The following KIF26B variants were observed in gnomAD, a reference collection of about 807,000 sequenced individuals.
The protein encoded by KIF26B is kinesin-like protein KIF26B.
Under a neutral mutation model 151.2 loss-of-function variants are expected in KIF26B, and 63 were observed. The ratio of observed to expected loss-of-function variants is 0.42; its 90% CI spans 0.34 to 0.51. KIF26B has a LOEUF of 0.51. KIF26B is among the 20% of genes least tolerant of loss of function. The probability of loss-of-function intolerance (pLI) is 0.07; values close to 1 mark genes in which losing one functional copy is unlikely to be tolerated. For synonymous variants in KIF26B, 1,357 were observed against 1,262.1 expected, an observed-to-expected ratio of 1.08 and a Z score of -1.59; for missense variants, 2,813 against 2,913.6, an observed-to-expected ratio of 0.97 and a Z score of 0.79.
At chr1:245,690,324 C>T (rs867142857) in intron 12 of KIF26B, among the ~76,000 whole-genome samples, 1 of 152,204 alleles carries the variant, frequency 6.6e-6, no homozygotes, top group South Asian at 2.1e-4. Context: ...TCTTCACATG[C>T]TCTCAGAAGC....
At chr1:245,195,671 G>GGGAA (rs1174212258) in intron 2 of KIF26B, among the ~76,000 whole-genome samples, 7 of 152,200 alleles carry the variant, frequency 4.6e-5, no homozygotes, top group African/African-American at 1.7e-4. Flanking sequence ...CGAGTGCCCT[G>GGGAA]GGAAGGCCCA....
intron 4 of KIF26B, among the ~76,000 whole-genome samples, chr1:245,448,013 C>T (rs1050687456): frequency 7.9e-5 from 12 of 152,336 alleles, no homozygotes; most frequent in Admixed American, 4.6e-4. Context: ...CTGGGTGAAG[C>T]CAAGAACTCT....
intron 9 of KIF26B, among the ~76,000 whole-genome samples, chr1:245,635,372 T>A (rs561588383): frequency 6.6e-6 from 1 of 152,110 alleles, no homozygotes; most frequent in South Asian, 2.1e-4. Flanking sequence ...GAATTTTTCA[T>A]CTTTCAAGAC....
At chr1:245,306,246 T>C (rs1277092468) in intron 2 of KIF26B, among the ~76,000 whole-genome samples, 2 of 152,194 alleles carry the variant, frequency 1.3e-5, no homozygotes, top group East Asian at 3.8e-4. Flanking sequence ...GGTTCATTCA[T>C]TGAAATATTA....
chr1:245,157,077 G>A (rs1354354952), intron 2 of KIF26B, among the ~76,000 whole-genome samples: 1 of 150,334 alleles, frequency 6.7e-6, no homozygotes, highest in African/African-American at 2.5e-5. Context: ...AGCTGTAAAA[G>A]CAAGCTGATG....
At chr1:245,575,049 T>C (rs2043104626) in intron 5 of KIF26B, among the ~76,000 whole-genome samples, 1 of 151,188 alleles carries the variant, frequency 6.6e-6, no homozygotes, top group South Asian at 2.1e-4. Context: ...GTATTTTTAG[T>C]AGAGACGGGG....
rs749730146 is a variant in KIF26B at position 245,540,915 on chromosome 1, G to A, written c.1315G>A (p.Val439Ile). ...AGCCCCACCCTGCCTGCTGAGGGCT[G>A]TCAACAAGGTGAAGGACACCCCGGG... Reference protein sequence around the residue: ...PPAPPCLLRAVNKVKDTPGLG... With the variant: ...PPAPPCLLRAINKVKDTPGLG... The change falls in exon 5 of 15, where the codon GTC becomes ATC. Residue 439 changes from valine (V) to isoleucine (I), a missense_variant. Coordinates refer to ENST00000407071, the MANE Select transcript of KIF26B (RefSeq NM_018012.4). The surrounding 1 kb of genome is among the most constrained non-coding windows in gnomAD (Gnocchi z 4.6). 27 of 1,613,736 alleles carry A rather than the reference G, an allele frequency of 1.7e-5. No individual in the cohort carries two copies. In the Admixed American group the frequency reaches 4.3e-4, roughly 26 times the overall value.
intron 4 of KIF26B, among the ~76,000 whole-genome samples, chr1:245,456,358 T>C (rs945596293): frequency 3.9e-5 from 6 of 152,266 alleles, no homozygotes; most frequent in African/African-American, 1.4e-4. Context: ...CTGCGTTTAT[T>C]TCCTTAGTAT....
At chr1:245,207,869 C>T (rs1312190271) in intron 2 of KIF26B, among the ~76,000 whole-genome samples, 1 of 152,186 alleles carries the variant, frequency 6.6e-6, no homozygotes, top group Non-Finnish European at 1.5e-5. Flanking sequence ...CAGGTGCAAA[C>T]ACTGTTAGAT....
At chr1:245,670,126 TAAATA>T (rs887270549) in intron 10 of KIF26B, among the ~76,000 whole-genome samples, 2 of 151,912 alleles carry the variant, frequency 1.3e-5, no homozygotes, top group African/African-American at 2.4e-5. Context: ...CTAAAGCTAT[TAAATA>T]AAATAAATAA....
chr1:245,580,576 C>G (rs2043165602), intron 5 of KIF26B, among the ~76,000 whole-genome samples: 1 of 152,180 alleles, frequency 6.6e-6, no homozygotes, highest in African/African-American at 2.4e-5. Context: ...AGCCTCCGGA[C>G]TCGCCTCCTC....
intron 5 of KIF26B, among the ~76,000 whole-genome samples, chr1:245,588,791 C>A (rs2103134431): frequency 6.6e-6 from 1 of 152,316 alleles, no homozygotes; most frequent in East Asian, 1.9e-4. Context: ...GTGTGTTCAA[C>A]ACATGCTGAG....
intron 4 of KIF26B, among the ~76,000 whole-genome samples, chr1:245,485,220 G>T (rs897355447): frequency 6.6e-6 from 1 of 152,038 alleles, no homozygotes; most frequent in Non-Finnish European, 1.5e-5. Context: ...AGGGAGAATG[G>T]GTAGTTAATA....
rs115238270 is a variant in KIF26B, at chr1:245,598,626, C to T, written c.1351-3951C>T. Reference sequence around the variant, plus strand: ...TGTGTGGCAGCGATCACCTCCATGTCGATGGAGTGTCTGTGCAGTTTGGGA... The same window carrying T: ...TGTGTGGCAGCGATCACCTCCATGTTGATGGAGTGTCTGTGCAGTTTGGGA... On this transcript the variant is annotated intron_variant, in intron 5 of 14. Coordinates refer to ENST00000407071, the MANE Select transcript of KIF26B (RefSeq NM_018012.4). Among the ~76,000 whole-genome samples, 793 of 151,802 alleles carry T rather than the reference C, an allele frequency of 5.2e-3. 11 individuals carry two copies. Among genetic ancestry groups the T allele is most frequent in the African/African-American group, 0.018 (760 of 41,404 alleles).
chr1:245,668,840 C>T (rs545661356), intron 10 of KIF26B, among the ~76,000 whole-genome samples: 1 of 152,308 alleles, frequency 6.6e-6, no homozygotes, highest in East Asian at 1.9e-4. Context: ...CAGGCACGCA[C>T]CACCATGCCT....
intron 2 of KIF26B, among the ~76,000 whole-genome samples, chr1:245,226,855 T>C (rs1669886841): frequency 6.6e-6 from 1 of 152,246 alleles, no homozygotes; most frequent in Non-Finnish European, 1.5e-5. Context: ...TTCTGGTTCC[T>C]GGGCTTAAGC....
At chr1:245,291,765 T>G (rs1348326315) in intron 2 of KIF26B, among the ~76,000 whole-genome samples, 3 of 151,568 alleles carry the variant, frequency 2.0e-5, no homozygotes, top group Non-Finnish European at 2.9e-5. Context: ...ACCTAAGAGG[T>G]GGGTAGGAAG....
chr1:245,172,416 CT>C (rs1668729605), intron 2 of KIF26B, among the ~76,000 whole-genome samples: 1 of 152,116 alleles, frequency 6.6e-6, no homozygotes, highest in African/African-American at 2.4e-5. Context: ...TGAGAGAAGA[CT>C]GAGGAAGGTG....
chr1:245,325,114 AAAAAAG>A (rs1671963009), intron 2 of KIF26B, among the ~76,000 whole-genome samples: 1 of 151,498 alleles, frequency 6.6e-6, no homozygotes, highest in Non-Finnish European at 1.5e-5. Context: ...AAAAAAAAGA[AAAAAAG>A]AAAAAAGAAA....
Sources: allele counts gnomAD v4.1 joint callset (sites outside exome capture counted in the v4.1 genomes callset), GRCh38; gene constraint gnomAD v4.1.1; non-coding constraint Gnocchi (gnomAD v3.1); transcripts MANE v1.5; gene names NCBI Gene and HGNC (gene_info 2026-07-23, HGNC 2026-07-21).